Variants in ZC3H12B observed in about 807,000 individuals in gnomAD.
The protein encoded by ZC3H12B is zinc finger CCCH-type containing 12B, also known as probable ribonuclease ZC3H12B.
A neutral mutation model predicts 43.9 loss-of-function variants in ZC3H12B; 7 were observed. That is an observed-to-expected ratio of 0.16 (90% CI 0.09 to 0.30). ZC3H12B has a LOEUF of 0.30. Among genes scored for constraint, ZC3H12B ranks in the 10% least tolerant of loss-of-function variants. ZC3H12B has a pLI of 1.00. For missense variants in ZC3H12B, 475 were observed against 670.2 expected, an observed-to-expected ratio of 0.71 and a Z score of 3.22; for synonymous variants, 222 against 241.7, an observed-to-expected ratio of 0.92 and a Z score of 0.76.
exon 3 of ZC3H12B, chrX:65,499,171 A>C: frequency 8.3e-7 from 1 of 1,211,379 alleles, no homozygotes; most frequent in South Asian, 1.8e-5. Flanking sequence ...TTCAAGTTGA[A>C]AAGCCAGAAT....
At chrX:65,395,446 C>T (rs2066683803) in intron 2 of ZC3H12B, among the ~76,000 whole-genome samples, 1 of 112,298 alleles carries the variant, frequency 8.9e-6, no homozygotes, top group Admixed American at 9.4e-5. Flanking sequence ...AAGGCCTTTT[C>T]TGCATCTATT....
chrX:65,192,620 C>T, the ZC3H12B span, among the ~76,000 whole-genome samples: 2 of 111,178 alleles, frequency 1.8e-5, no homozygotes. Flanking sequence ...GATTTTTGTC[C>T]TTCATTCTTT....
At chrX:65,246,749 ATTAAC>A in the ZC3H12B span, among the ~76,000 whole-genome samples, 4 of 112,397 alleles carry the variant, frequency 3.6e-5, no homozygotes, top group African/African-American at 9.7e-5. Flanking sequence ...ATATACAAAA[ATTAAC>A]TTAAGATGGA....
the ZC3H12B span, among the ~76,000 whole-genome samples, chrX:65,062,687 T>A: frequency 8.9e-6 from 1 of 112,055 alleles, no homozygotes; most frequent in Non-Finnish European, 1.9e-5. Flanking sequence ...TTTTTGTAAT[T>A]CTGTGAACAA....
intron 3 of ZC3H12B, among the ~76,000 whole-genome samples, chrX:65,447,059 C>T (rs1038796821): frequency 9.0e-6 from 1 of 111,723 alleles, no homozygotes; most frequent in African/African-American, 3.3e-5. Context: ...TTCTTCAGAA[C>T]CAATTCTTCA....
At chrX:65,279,298 A>ATT in the ZC3H12B span, among the ~76,000 whole-genome samples, 706 of 79,221 alleles carry the variant, frequency 8.9e-3, 6 homozygotes, top group African/African-American at 0.034. Context: ...CCTTACCAGC[A>ATT]TTTTTTTTTT....
the ZC3H12B span, among the ~76,000 whole-genome samples, chrX:65,321,027 A>T: frequency 8.9e-6 from 1 of 112,312 alleles, no homozygotes; most frequent in African/African-American, 3.2e-5. Context: ...CAGTCACAAC[A>T]AAAGCAAAAA....
At chrX:65,197,550 G>T in the ZC3H12B span, among the ~76,000 whole-genome samples, 1 of 111,929 alleles carries the variant, frequency 8.9e-6, no homozygotes, top group Non-Finnish European at 1.9e-5. Context: ...AGCAAACTTT[G>T]CTCCCCAGTG....
chrX:65,366,539 T>G (rs1436350802), upstream of ZC3H12B: 1 of 112,466 alleles, frequency 8.9e-6, no homozygotes, highest in Non-Finnish European at 1.9e-5. Context: ...TATTCTTTTT[T>G]AATCACTTTC....
chrX:65,041,081 T>G, the ZC3H12B span, among the ~76,000 whole-genome samples: 1 of 112,630 alleles, frequency 8.9e-6, no homozygotes, highest in African/African-American at 3.2e-5. Context: ...CCCAGCCACA[T>G]TTGTTCTTTT....
the ZC3H12B span, among the ~76,000 whole-genome samples, chrX:65,053,102 TTG>T: frequency 9.0e-6 from 1 of 111,496 alleles, no homozygotes; most frequent in Non-Finnish European, 1.9e-5. Flanking sequence ...TGTTTGCCAT[TTG>T]TGTGTCTTTT....
the ZC3H12B span, among the ~76,000 whole-genome samples, chrX:65,213,355 A>T: frequency 6.3e-5 from 7 of 110,782 alleles, no homozygotes; most frequent in African/African-American, 2.0e-4. Context: ...ATATTATTGC[A>T]AGTGAAATTA....
chrX:65,179,863 TTG>T, the ZC3H12B span, among the ~76,000 whole-genome samples: 1 of 112,074 alleles, frequency 8.9e-6, no homozygotes, highest in Non-Finnish European at 1.9e-5. Context: ...GAGAAATTAA[TTG>T]TCTGTCCACC....
the ZC3H12B span, among the ~76,000 whole-genome samples, chrX:65,175,354 G>C: frequency 3.6e-5 from 4 of 111,454 alleles, no homozygotes; most frequent in African/African-American, 1.3e-4. Context: ...CGTTTTGCAT[G>C]TAACATTTTT....
intron 3 of ZC3H12B, among the ~76,000 whole-genome samples, chrX:65,442,901 A>T (rs779700579): frequency 5.4e-5 from 6 of 111,337 alleles, no homozygotes; most frequent in African/African-American, 2.0e-4. Context: ...TCCTGCCTGG[A>T]TAGAACTAAG....
intron 3 of ZC3H12B, among the ~76,000 whole-genome samples, chrX:65,400,618 G>C (rs1286517138): frequency 9.0e-6 from 1 of 111,574 alleles, no homozygotes; most frequent in Admixed American, 9.6e-5. Context: ...AAATTTGCAA[G>C]GGGAAGGCGG....
At chrX:65,309,212 T>G in the ZC3H12B span, among the ~76,000 whole-genome samples, 647 of 110,162 alleles carry the variant, frequency 5.9e-3, 7 homozygotes, top group Non-Finnish European at 9.7e-3. Context: ...AGGAGCTGTT[T>G]TTTTTGAAAA....
the ZC3H12B span, among the ~76,000 whole-genome samples, chrX:65,292,224 A>C: frequency 2.7e-5 from 3 of 111,701 alleles, no homozygotes; most frequent in Non-Finnish European, 3.8e-5. Context: ...TCTTTATCTC[A>C]CATGGAAAAT....
chrX:65,451,513 T>G (rs1245494598), intron 3 of ZC3H12B, among the ~76,000 whole-genome samples: 1 of 111,501 alleles, frequency 9.0e-6, no homozygotes, highest in Admixed American at 9.6e-5. Context: ...ATTTTTATTT[T>G]TATTTTATGT....
Sources: allele counts gnomAD v4.1 joint callset (sites outside exome capture counted in the v4.1 genomes callset), GRCh38; gene constraint gnomAD v4.1.1; transcripts MANE v1.5; gene names NCBI Gene and HGNC (gene_info 2026-07-23, HGNC 2026-07-21).